The following TMTC4 variants were observed in gnomAD, a reference collection of about 807,000 sequenced individuals.
TMTC4 encodes the protein protein O-mannosyl-transferase TMTC4.
In TMTC4, 65 loss-of-function variants were observed where a neutral mutation model predicts 86.0. That is an observed-to-expected ratio of 0.76 (90% CI 0.62 to 0.93). The LOEUF (loss-of-function observed/expected upper bound fraction) is 0.93, where lower values mean the gene tolerates loss of function less well. TMTC4 is among the 40% of genes least tolerant of loss of function. The pLI is 0.00. For missense variants in TMTC4, 866 were observed against 948.1 expected (o/e 0.91, Z 1.14); for synonymous variants, 379 against 382.5 (o/e 0.99, Z 0.11).
chr13:100,623,149 T>C (rs920290735), intron 15 of TMTC4, among the ~76,000 whole-genome samples: 3 of 152,254 alleles, frequency 2.0e-5, no homozygotes, highest in Non-Finnish European at 2.9e-5. Context: ...TACCCTGTTA[T>C]CCAAGTTCAG....
intron 18 of TMTC4, 43 bp downstream of exon 18, chr13:100,606,315 G>T: frequency 6.4e-7 from 1 of 1,561,326 alleles, no homozygotes; most frequent in Non-Finnish European, 8.8e-7. Flanking sequence ...CTTCATTAAA[G>T]TAACAAAATT....
intron 3 of TMTC4, chr13:100,666,087 GA>G (rs1886362100): frequency 2.2e-6 from 1 of 456,280 alleles, no homozygotes; most frequent in African/African-American, 2.0e-5. Context: ...TGATTAAGTG[GA>G]GCCTCCACAG....
chr13:100,633,510 A>G (rs1566593747), intron 12 of TMTC4, among the ~76,000 whole-genome samples: 1 of 152,154 alleles, frequency 6.6e-6, no homozygotes, highest in Non-Finnish European at 1.5e-5. Context: ...TAGTCAAGTG[A>G]AGAGCTTGGA....
At chr13:100,641,454 GA>G (rs1882991890) in intron 7 of TMTC4, among the ~76,000 whole-genome samples, 1 of 152,152 alleles carries the variant, frequency 6.6e-6, no homozygotes, top group African/African-American at 2.4e-5. Flanking sequence ...AGTGGCTGCA[GA>G]ACTCCTGTTC....
chr13:100,665,555 C>A (rs1386609276), intron 3 of TMTC4, among the ~76,000 whole-genome samples: 2 of 152,172 alleles, frequency 1.3e-5, no homozygotes, highest in Non-Finnish European at 2.9e-5. Context: ...TGCCTCTGGG[C>A]CCCCACCTCG....
chr13:100,674,857 C>T (rs945881419), upstream of TMTC4: 1 of 972,334 alleles, frequency 1.0e-6, no homozygotes, highest in Non-Finnish European at 1.2e-6. Context: ...CGCACCCGAC[C>T]CCCCCCGCGC....
chr13:100,628,843 A>T (rs1880928257), intron 12 of TMTC4, among the ~76,000 whole-genome samples: 1 of 152,208 alleles, frequency 6.6e-6, no homozygotes, highest in South Asian at 2.1e-4. Flanking sequence ...AAGCTCACGA[A>T]GACTACAATA....
At chr13:100,661,210 C>A (rs561886705) in intron 5 of TMTC4, among the ~76,000 whole-genome samples, 1 of 152,088 alleles carries the variant, frequency 6.6e-6, no homozygotes, top group African/African-American at 2.4e-5. Flanking sequence ...TCCTTTTAAC[C>A]ATCTGGAATG....
chr13:100,620,286 C>T (rs1879276979), intron 15 of TMTC4, among the ~76,000 whole-genome samples: 1 of 152,144 alleles, frequency 6.6e-6, no homozygotes, highest in Non-Finnish European at 1.5e-5. Context: ...CAGTCCTTTC[C>T]TCTTACTCTC....
Position 100,670,554 on chromosome 13 carries a change from C to A in TMTC4, c.-192G>T. ...TCCAGTCAAAGGATAAACCACTTCT[C>A]GAATCTAAATTACAACTGCAAACAC... On this transcript the variant is annotated 5_prime_UTR_variant, in exon 2 of 19. Transcript: ENST00000342624. The A allele has an allele frequency of 1.8e-6, 1 of 540,980 alleles. No homozygotes were observed. Among genetic ancestry groups the A allele is most frequent in the Non-Finnish European group, 3.2e-6 (1 of 312,958 alleles). 33.5% of individuals were successfully genotyped at this position (540,980 alleles called of 1,614,324 possible). A position where few individuals can be genotyped will look rare whatever the true frequency, so the allele number is the denominator to read the frequency against.
At chr13:100,674,902 C>A (rs1392875059), upstream of TMTC4, 10 of 984,456 alleles carry the variant, frequency 1.0e-5, no homozygotes, top group Non-Finnish European at 1.2e-5. Context: ...GCGCGGGCGC[C>A]CCCCAGCACC....
chr13:100,670,505 G>A lies in TMTC4; in HGVS notation c.-143C>T. On this transcript the variant is annotated 5_prime_UTR_variant, in exon 2 of 19. Coordinates refer to ENST00000342624, the MANE Select transcript of TMTC4 (RefSeq NM_032813.5). ...CGGCATGCTCTCAGCAAGTGCTGGGGGAATACTGCAGCTACTTTTCTTTTC... is the reference window on the plus strand; with the variant it reads ...CGGCATGCTCTCAGCAAGTGCTGGGAGAATACTGCAGCTACTTTTCTTTTC... 1 of 715,914 alleles carries A rather than the reference G, an allele frequency of 1.4e-6. No homozygotes were observed. The highest frequency in any genetic ancestry group is 2.2e-6 in the Non-Finnish European group (1 of 459,700). The allele number at this position is 715,914 out of a possible 1,614,324, so 44.3% of individuals were successfully genotyped here.
At position 100,625,769 on chromosome 13, in the gene TMTC4, T is replaced by C. The variant is rs1880405993; in HGVS notation, c.1694+16A>G. The C allele has an allele frequency of 1.2e-6, 2 of 1,610,916 alleles. No homozygotes were observed. The highest frequency in any genetic ancestry group is 1.3e-5 in the African/African-American group (1 of 74,736). On this transcript the variant is annotated intron_variant, in intron 14 of 18. Transcript: ENST00000342624. ...CCTTTCTTTGTCACTAGCATAATTATAAAAACAATGCTTACTGTATTTGAA... is the reference window on the plus strand; with the variant it reads ...CCTTTCTTTGTCACTAGCATAATTACAAAAACAATGCTTACTGTATTTGAA...
intron 2 of TMTC4, 120 bp downstream of exon 2, chr13:100,670,240 C>A (rs1259530385): frequency 1.8e-6 from 2 of 1,125,980 alleles, no homozygotes; most frequent in Non-Finnish European, 2.5e-6. Context: ...TAAGTGGATA[C>A]CCCAGATTAT....
chr13:100,674,602 C>A (rs1170149215), intron 1 of TMTC4, 142 bp downstream of exon 1: 1 of 982,742 alleles, frequency 1.0e-6, no homozygotes, highest in African/African-American at 1.8e-5. Flanking sequence ...CCGGAACCAA[C>A]TCCTCCAGCA....
chr13:100,651,640 A>C (rs755942107), intron 6 of TMTC4, among the ~76,000 whole-genome samples: 1 of 152,166 alleles, frequency 6.6e-6, no homozygotes, highest in African/African-American at 2.4e-5. Context: ...TTTATAATAA[A>C]GACGTCCCAT....
At chr13:100,659,513 T>C (rs1885511694) in intron 5 of TMTC4, among the ~76,000 whole-genome samples, 1 of 152,028 alleles carries the variant, frequency 6.6e-6, no homozygotes, top group Non-Finnish European at 1.5e-5. Flanking sequence ...CCCAACACTT[T>C]GAGGAAAACA....
At chr13:100,626,964 A>G (rs917385842) in intron 12 of TMTC4, among the ~76,000 whole-genome samples, 2 of 152,172 alleles carry the variant, frequency 1.3e-5, no homozygotes, top group African/African-American at 2.4e-5. Flanking sequence ...TTCATCAAAA[A>G]GGCCCTGGAG....
At chr13:100,648,363 A>G (rs1884010761) in intron 6 of TMTC4, among the ~76,000 whole-genome samples, 1 of 152,214 alleles carries the variant, frequency 6.6e-6, no homozygotes, top group East Asian at 1.9e-4. Flanking sequence ...ATATTTTTAT[A>G]TTGATTATAT....
Sources: allele counts gnomAD v4.1 joint callset (sites outside exome capture counted in the v4.1 genomes callset), GRCh38; gene constraint gnomAD v4.1.1; transcripts MANE v1.5; gene names NCBI Gene and HGNC (gene_info 2026-07-23, HGNC 2026-07-21).